LAMP1: variants seen among roughly 807,000 people sequenced by gnomAD.
The protein encoded by LAMP1 is lysosome-associated membrane glycoprotein 1.
LAMP1 carries 7 observed loss-of-function variants against 37.5 expected under a neutral mutation model. The observed-to-expected ratio is 0.19, with a 90% confidence interval of 0.11 to 0.35. The LOEUF (loss-of-function observed/expected upper bound fraction) is 0.35. LAMP1 is among the 10% of genes least tolerant of loss of function. LAMP1 has a pLI of 1.00. For missense variants in LAMP1, 537 were observed against 552.8 expected (o/e 0.97, Z 0.29); for synonymous variants, 236 against 229.1 (o/e 1.03, Z -0.27).
intron 4 of LAMP1, among the ~76,000 whole-genome samples, chr13:113,311,459 TG>T (rs1423831720): frequency 1.3e-5 from 2 of 152,246 alleles, no homozygotes; most frequent in African/African-American, 2.4e-5. Context: ...GTGCTTCTAC[TG>T]GGGCAGAGAT....
intron 4 of LAMP1, among the ~76,000 whole-genome samples, chr13:113,318,542 C>T (rs2042679041): frequency 6.6e-6 from 1 of 152,120 alleles, no homozygotes; most frequent in Non-Finnish European, 1.5e-5. Context: ...GTGTTGGCCA[C>T]AGAAGACTCG....
At chr13:113,299,290 C>T (rs1189249859) in intron 1 of LAMP1, among the ~76,000 whole-genome samples, 1 of 149,626 alleles carries the variant, frequency 6.7e-6, no homozygotes, top group Non-Finnish European at 1.5e-5. Context: ...TTTTTTGAGG[C>T]GGAGTTGCTC....
chr13:113,300,486 CAAA>C (rs781688099), intron 1 of LAMP1, among the ~76,000 whole-genome samples: 9 of 60,232 alleles, frequency 1.5e-4, no homozygotes, highest in Admixed American at 2.0e-4. Flanking sequence ...AACTCAATGT[CAAA>C]AAAAAAAAAA....
intron 1 of LAMP1, chr13:113,305,396 G>A (rs2042593410): frequency 6.6e-6 from 1 of 152,186 alleles, no homozygotes; most frequent in African/African-American, 2.4e-5. Context: ...ATAGGTGTTT[G>A]GCGTTAGAAC....
intron 4 of LAMP1, among the ~76,000 whole-genome samples, chr13:113,313,005 C>T (rs879907582): frequency 2.6e-5 from 4 of 152,160 alleles, no homozygotes; most frequent in African/African-American, 7.2e-5. Flanking sequence ...AGGAAGGGCA[C>T]GCACTCTCTG....
At chr13:113,300,570 G>A (rs1566396262) in intron 1 of LAMP1, among the ~76,000 whole-genome samples, 1 of 152,074 alleles carries the variant, frequency 6.6e-6, no homozygotes, top group South Asian at 2.1e-4. Context: ...ACTTTGGGAG[G>A]CTGAGGCAGG....
rs1180578490 is a variant in LAMP1 at position 113,301,640 on chromosome 13, AAAAAATATATATATAT to A, written c.61+4147_61+4162del. On this transcript the variant is annotated intron_variant, in intron 1 of 8. Coordinates refer to ENST00000332556, the MANE Select transcript of LAMP1 (RefSeq NM_005561.4). ...TCTGTTTCCATTTAAAAAAAAAAAA[AAAAAATATATATATAT>A]ATATATATATATATATATATATATA... Among the ~76,000 whole-genome samples the A allele has an allele frequency of 9.3e-5, 7 of 75,058 alleles. 2 individuals carry two copies. The highest frequency in any genetic ancestry group is 3.3e-4 in the African/African-American group (4 of 12,006). 49.2% of individuals were successfully genotyped at this position (75,058 alleles called of 152,430 possible). A position where few individuals can be genotyped will look rare whatever the true frequency, so the allele number is the denominator to read the frequency against.
intron 4 of LAMP1, among the ~76,000 whole-genome samples, chr13:113,315,773 T>A (rs1028958077): frequency 6.6e-6 from 1 of 152,058 alleles, no homozygotes; most frequent in African/African-American, 2.4e-5. Context: ...GACTTTCCTG[T>A]TGGTTTTGTA....
At chr13:113,301,777 A>T (rs2139356145) in intron 1 of LAMP1, among the ~76,000 whole-genome samples, 1 of 149,340 alleles carries the variant, frequency 6.7e-6, no homozygotes, top group Non-Finnish European at 1.5e-5. Context: ...GTTCTTCATA[A>T]ATGATTGTGC....
chr13:113,311,522 C>A (rs2042630963), intron 4 of LAMP1, among the ~76,000 whole-genome samples: 1 of 152,204 alleles, frequency 6.6e-6, no homozygotes, highest in African/African-American at 2.4e-5. Flanking sequence ...TGCCTTCACA[C>A]AGAGACATAG....
rs1043792872 is a variant in LAMP1, at chr13:113,322,496, G to A, written c.*75G>A. ...GGGCTTAGGGTCCTGTCGAAGGGGA[G>A]GCACACTTTCTGGCAAACGTTTCTC... On this transcript the variant is annotated 3_prime_UTR_variant, in exon 9 of 9. Coordinates refer to ENST00000332556, the MANE Select transcript of LAMP1 (RefSeq NM_005561.4). 7 of 1,422,412 alleles carry A rather than the reference G, an allele frequency of 4.9e-6. No homozygotes were observed. In the African/African-American group the frequency reaches 5.7e-5, roughly 12 times the overall value. The allele number at this position is 1,422,412 out of a possible 1,614,324, so 88.1% of individuals were successfully genotyped here. A position where few individuals can be genotyped will look rare whatever the true frequency, so the allele number is the denominator to read the frequency against.
chr13:113,321,037 T>A lies in LAMP1; in HGVS notation c.877-367T>A, dbSNP rs2042696188. On this transcript the variant is annotated intron_variant, in intron 6 of 8. Coordinates refer to ENST00000332556, the MANE Select transcript of LAMP1 (RefSeq NM_005561.4). This position sits in a 1 kb window ranked among gnomAD's most constrained non-coding sequence, Gnocchi z 5.6. ...TCTGCAAATAATAAAACGAGTTAGC[T>A]GGGCGTAGTGGCGCACACCTGTGGT... 1 of 293,030 alleles carries A rather than the reference T, an allele frequency of 3.4e-6. No homozygotes were observed. Among genetic ancestry groups the A allele is most frequent in the Admixed American group, 4.8e-5 (1 of 20,628 alleles). The allele number at this position is 293,030 out of a possible 1,614,324, so 18.2% of individuals were successfully genotyped here.
Position 113,321,574 on chromosome 13 carries a change from G to A in LAMP1, c.961G>A (p.Ala321Thr). ...PDARDPAFKA[A>T]NGSLRALQAT... ...TGTTGCAGACCCTGCCTTTAAAGCT[G>A]CCAACGGCTCCCTGCGAGCGCTGCA... The change falls in exon 8 of 9, where the codon GCC (alanine) becomes ACC (threonine). Residue 321 changes from alanine to threonine, a missense_variant. By Grantham distance (58) the Ala-to-Thr change is moderately conservative. Transcript: ENST00000332556. The surrounding 1 kb of genome is among the most constrained non-coding windows in gnomAD (Gnocchi z 5.6). 1 of 1,614,078 alleles carries A rather than the reference G, an allele frequency of 6.2e-7. No individual in the cohort carries two copies. The highest frequency in any genetic ancestry group is 8.5e-7 in the Non-Finnish European group (1 of 1,180,026).
chr13:113,306,207 A>C (rs1442824208), intron 1 of LAMP1: 1 of 250,510 alleles, frequency 4.0e-6, no homozygotes, highest in Non-Finnish European at 7.9e-6. Context: ...AAAAACAGAA[A>C]TTAGCTGGGT....
At chr13:113,319,753 C>G in intron 5 of LAMP1, 97 bp downstream of exon 5, 2 of 1,196,568 alleles carry the variant, frequency 1.7e-6, no homozygotes, top group South Asian at 1.4e-5. Context: ...GCACGTCATG[C>G]TGTTAAGTCA....
intron 4 of LAMP1, among the ~76,000 whole-genome samples, chr13:113,311,372 A>G (rs569528199): frequency 2.6e-5 from 4 of 152,356 alleles, no homozygotes; most frequent in Non-Finnish European, 5.9e-5. Context: ...GTGTATTTCA[A>G]AACATCCTGA....
Position 113,322,376 on chromosome 13 carries a change from C to CTT in LAMP1, c.1209_1210insTT (p.Leu404PhefsTer69). Reference sequence around the variant, plus strand: ...TGGTCCTCATCGTCCTCATCGCCTACCTCGTCGGCAGGAAGAGGAGTCACG... The same window carrying CTT: ...TGGTCCTCATCGTCCTCATCGCCTACTTCTCGTCGGCAGGAAGAGGAGTCACG... On this transcript the variant is annotated frameshift_variant, in exon 9 of 9. Coordinates refer to ENST00000332556, the MANE Select transcript of LAMP1 (RefSeq NM_005561.4). LOFTEE classifies it high-confidence loss of function. 3.1e-6 allele frequency: 5 copies of CTT among 1,604,124 alleles called. No homozygotes were observed. Among genetic ancestry groups the CTT allele is most frequent in the East Asian group, 2.3e-5 (1 of 44,092 alleles).
At chr13:113,298,966 C>T (rs2042556599) in intron 1 of LAMP1, among the ~76,000 whole-genome samples, 1 of 152,176 alleles carries the variant, frequency 6.6e-6, no homozygotes, top group African/African-American at 2.4e-5. Context: ...TATGGCGAAA[C>T]CCGGTCTCTA....
Position 113,321,882 on chromosome 13 carries a change from C to A in LAMP1, c.1114+155C>A. On this transcript the variant is annotated intron_variant, in intron 8 of 8. Transcript: ENST00000332556. This position sits in a 1 kb window ranked among gnomAD's most constrained non-coding sequence, Gnocchi z 5.6. Reference sequence around the variant, plus strand: ...TGCCGGTCTGAGATTCTAGAGGTAACTCCCCCTGCTTTAGAGAGGCCCAGC... The same window carrying A: ...TGCCGGTCTGAGATTCTAGAGGTAAATCCCCCTGCTTTAGAGAGGCCCAGC... The A allele has an allele frequency of 1.4e-6, 1 of 724,726 alleles. No homozygotes were observed. Among genetic ancestry groups the A allele is most frequent in the Non-Finnish European group, 2.2e-6 (1 of 446,460 alleles). 44.9% of individuals were successfully genotyped at this position (724,726 alleles called of 1,614,324 possible). A position where few individuals can be genotyped will look rare whatever the true frequency, so the allele number is the denominator to read the frequency against.
Sources: allele counts gnomAD v4.1 joint callset (sites outside exome capture counted in the v4.1 genomes callset), GRCh38; gene constraint gnomAD v4.1.1; non-coding constraint Gnocchi (gnomAD v3.1); transcripts MANE v1.5; gene names NCBI Gene and HGNC (gene_info 2026-07-23, HGNC 2026-07-21).